The following ACTR3C variants were observed in gnomAD, a reference collection of about 807,000 sequenced individuals.
The protein encoded by ACTR3C is actin related protein 3C.
ACTR3C carries 18 observed loss-of-function variants against 26.3 expected under a neutral mutation model. That is an observed-to-expected ratio of 0.68 (90% confidence interval 0.47 to 1.01). The LOEUF is 1.01. Ranked by LOEUF, ACTR3C falls within the 50% of genes least tolerant of loss-of-function variation. ACTR3C has a pLI of 0.00. For missense variants in ACTR3C, 184 were observed against 250.7 expected (o/e 0.73, Z 1.80); for synonymous variants, 55 against 94.5 (o/e 0.58, Z 2.42).
chr7:150,172,755 T>C, the ACTR3C span, among the ~76,000 whole-genome samples: 5 of 150,784 alleles, frequency 3.3e-5, no homozygotes, highest in South Asian at 2.1e-4. Flanking sequence ...ACTTCCTAGA[T>C]ACAATGGAGG....
chr7:150,065,398 CA>C, the ACTR3C span, among the ~76,000 whole-genome samples: 1 of 152,114 alleles, frequency 6.6e-6, no homozygotes, highest in Non-Finnish European at 1.5e-5. Context: ...TACTTATTTT[CA>C]AGTCTTAAAG....
the ACTR3C span, among the ~76,000 whole-genome samples, chr7:150,156,338 T>A: frequency 1.3e-4 from 20 of 152,184 alleles, no homozygotes; most frequent in East Asian, 3.9e-3. Flanking sequence ...AAGAAAGTAA[T>A]CTTGAATATG....
At chr7:150,209,405 TA>T in the ACTR3C span, among the ~76,000 whole-genome samples, 3 of 151,470 alleles carry the variant, frequency 2.0e-5, no homozygotes, top group South Asian at 4.1e-4. Context: ...GATAAACTCA[TA>T]GATACTTAAA....
the ACTR3C span, among the ~76,000 whole-genome samples, chr7:149,936,937 G>A: frequency 1.3e-5 from 2 of 151,406 alleles, no homozygotes; most frequent in African/African-American, 4.9e-5. Context: ...CTAAAGGCAT[G>A]TGCCACCATA....
chr7:150,134,834 T>A, the ACTR3C span, among the ~76,000 whole-genome samples: 3 of 152,258 alleles, frequency 2.0e-5, no homozygotes, highest in African/African-American at 7.2e-5. Context: ...AGTGTGACTT[T>A]CTCTGTAGAG....
the ACTR3C span, among the ~76,000 whole-genome samples, chr7:150,142,217 A>G: frequency 6.6e-6 from 1 of 152,092 alleles, no homozygotes; most frequent in Non-Finnish European, 1.5e-5. Context: ...TCACCCACCT[A>G]GTTCGTCTAC....
the ACTR3C span, among the ~76,000 whole-genome samples, chr7:150,122,978 A>G: frequency 2.0e-5 from 3 of 150,042 alleles, no homozygotes; most frequent in Non-Finnish European, 4.4e-5. Flanking sequence ...TCAGCAAACA[A>G]ACAGGAACAG....
chr7:150,284,989 G>A, intron 5 of ACTR3C, 144 bp from the exon 6 acceptor site: 1 of 848,066 alleles, frequency 1.2e-6, no homozygotes, highest in Non-Finnish European at 1.7e-6. Flanking sequence ...TATGTCAAAT[G>A]AATCCCATGT....
the ACTR3C span, among the ~76,000 whole-genome samples, chr7:150,180,261 C>CA: frequency 6.7e-6 from 1 of 149,452 alleles, no homozygotes; most frequent in East Asian, 2.0e-4. Flanking sequence ...GCCGAGATCG[C>CA]GCCACTGCAC....
At chr7:150,146,936 T>C in the ACTR3C span, among the ~76,000 whole-genome samples, 160 of 152,338 alleles carry the variant, frequency 1.1e-3, no homozygotes, top group African/African-American at 3.6e-3. Flanking sequence ...TGGAAGAACC[T>C]TAAGTCATGT....
At chr7:150,289,324 C>G (rs777856790) in intron 4 of ACTR3C, 126 bp downstream of exon 4, 51 of 1,400,962 alleles carry the variant, frequency 3.6e-5, no homozygotes, top group Non-Finnish European at 4.6e-5. Context: ...TAAAACAAAT[C>G]AAGCCCCACA....
intron 6 of ACTR3C, among the ~76,000 whole-genome samples, chr7:150,284,494 T>A (rs1398234766): frequency 4.6e-5 from 7 of 152,116 alleles, no homozygotes; most frequent in Admixed American, 2.0e-4. Context: ...TATAGTGAGC[T>A]GAGATCGCAC....
chr7:150,033,594 A>ATG, the ACTR3C span, among the ~76,000 whole-genome samples: 1 of 98,118 alleles, frequency 1.0e-5, no homozygotes, highest in African/African-American at 4.2e-5. Context: ...CCCGCCTCGC[A>ATG]GGAGGTGCCT....
chr7:150,280,477 G>A (rs1372079992), intron 6 of ACTR3C, among the ~76,000 whole-genome samples: 1 of 152,234 alleles, frequency 6.6e-6, no homozygotes, highest in East Asian at 1.9e-4. Flanking sequence ...ACTCACAGAA[G>A]CAGAGAGTGG....
intron 2 of ACTR3C, among the ~76,000 whole-genome samples, chr7:150,293,709 GC>G (rs1191811227): frequency 4.6e-5 from 7 of 152,350 alleles, no homozygotes; most frequent in African/African-American, 1.7e-4. Context: ...GCCAAGGTAG[GC>G]AGATCACTTG....
At chr7:150,075,436 C>A in the ACTR3C span, among the ~76,000 whole-genome samples, 2 of 149,984 alleles carry the variant, frequency 1.3e-5, no homozygotes, top group African/African-American at 4.9e-5. Flanking sequence ...CTGAGCTGAA[C>A]TGACTCCACC....
At chr7:150,277,281 T>C (rs1425701561) in intron 6 of ACTR3C, among the ~76,000 whole-genome samples, 6 of 152,126 alleles carry the variant, frequency 3.9e-5, no homozygotes, top group Non-Finnish European at 8.8e-5. Flanking sequence ...CGAGACCAGC[T>C]TGGTCAACAC....
intron 1 of ACTR3C, among the ~76,000 whole-genome samples, chr7:150,319,333 G>A (rs773020857): frequency 4.6e-5 from 7 of 151,646 alleles, no homozygotes; most frequent in East Asian, 3.9e-4. Context: ...TTGGCCTCCC[G>A]AATAGCTGGG....
chr7:150,084,977 A>C, the ACTR3C span, among the ~76,000 whole-genome samples: 1 of 152,050 alleles, frequency 6.6e-6, no homozygotes, highest in Non-Finnish European at 1.5e-5. Flanking sequence ...GGGATCGATG[A>C]GGCTTGCTGA....
Sources: allele counts gnomAD v4.1 joint callset (sites outside exome capture counted in the v4.1 genomes callset), GRCh38; gene constraint gnomAD v4.1.1; transcripts MANE v1.5; gene names NCBI Gene and HGNC (gene_info 2026-07-23, HGNC 2026-07-21).